The following ATP8A2 variants were observed in gnomAD, a reference collection of about 807,000 sequenced individuals.
ATP8A2 encodes phospholipid-transporting ATPase IB.
In ATP8A2, 100 loss-of-function variants were observed where a neutral mutation model predicts 165.6. That is an observed-to-expected ratio of 0.60 (90% CI 0.51 to 0.71). ATP8A2 has a LOEUF of 0.71. Ranked by LOEUF, ATP8A2 falls within the 30% of genes least tolerant of loss-of-function variation. The pLI is 0.00. For missense variants in ATP8A2, 1,227 were observed against 1,479.5 expected (o/e 0.83, Z 2.80); for synonymous variants, 543 against 548.8 (o/e 0.99, Z 0.15).
intron 25 of ATP8A2, among the ~76,000 whole-genome samples, chr13:25,729,714 A>G (rs2043575064): frequency 6.6e-6 from 1 of 152,104 alleles, no homozygotes. Context: ...TGACTTTGTT[A>G]AACTGAAAAA....
At chr13:25,620,873 T>G (rs899582042) in intron 24 of ATP8A2, among the ~76,000 whole-genome samples, 2 of 152,218 alleles carry the variant, frequency 1.3e-5, no homozygotes, top group Non-Finnish European at 2.9e-5. Context: ...GACATTTCAC[T>G]GCTTTTTAGT....
chr13:25,550,641 G>A (rs796285868), intron 10 of ATP8A2, among the ~76,000 whole-genome samples: 9 of 152,212 alleles, frequency 5.9e-5, no homozygotes, highest in African/African-American at 2.2e-4. Context: ...CTGTGATAAG[G>A]TTGCCATTCT....
chr13:25,529,499 G>C lies in ATP8A2; in HGVS notation c.222-500G>C, dbSNP rs145174772. ...TGAAAGATGTAAGATTGGGTGGAAG[G>C]AAGGATACTTTGGTCATGGAGAGAC... On this transcript the variant is annotated intron_variant, in intron 2 of 36. Transcript: ENST00000381655. Among the ~76,000 whole-genome samples, 13 of 152,244 alleles carry C rather than the reference G, an allele frequency of 8.5e-5. No individual in the cohort carries two copies. The East Asian group carries it at 2.5e-3, about 29-fold the overall frequency.
intron 1 of ATP8A2, among the ~76,000 whole-genome samples, chr13:25,398,357 C>A (rs1422245012): frequency 6.6e-6 from 1 of 152,148 alleles, no homozygotes; most frequent in Non-Finnish European, 1.5e-5. Flanking sequence ...GCCTAAACAT[C>A]AAAAGAGAGA....
At chr13:25,971,752 A>C (rs924195139) in intron 35 of ATP8A2, among the ~76,000 whole-genome samples, 2 of 152,058 alleles carry the variant, frequency 1.3e-5, no homozygotes, top group South Asian at 4.2e-4. Context: ...GGGGCAGTTT[A>C]TCTCATTGCT....
chr13:25,849,517 T>A (rs1033936499), intron 30 of ATP8A2, among the ~76,000 whole-genome samples: 1 of 152,258 alleles, frequency 6.6e-6, no homozygotes, highest in Non-Finnish European at 1.5e-5. Context: ...GATCATTTTG[T>A]CTCTTTAGAA....
chr13:25,390,873 C>G (rs577754046), intron 1 of ATP8A2, among the ~76,000 whole-genome samples: 29 of 150,756 alleles, frequency 1.9e-4, no homozygotes, highest in African/African-American at 7.1e-4. Flanking sequence ...TGCAGTGAGC[C>G]GAGATCATGC....
At chr13:25,425,486 G>A (rs1246589969) in intron 1 of ATP8A2, among the ~76,000 whole-genome samples, 2 of 79,300 alleles carry the variant, frequency 2.5e-5, no homozygotes, top group African/African-American at 4.0e-5. Flanking sequence ...TTTTTGAGAT[G>A]GAGTCTCGCT....
intron 27 of ATP8A2, among the ~76,000 whole-genome samples, chr13:25,776,609 T>C (rs148499590): frequency 7.9e-5 from 12 of 152,310 alleles, no homozygotes; most frequent in East Asian, 1.9e-4. Context: ...CTTTTGGCAC[T>C]TAAAGGTGTT....
Position 25,376,716 on chromosome 13 carries a change from A to T in ATP8A2, c.76+4428A>T, listed in dbSNP as rs1274711814. ...TCATCTAAGGCAAAGTCCTCCAGCT[A>T]GGTATTTATCCTATGTAATAGAAGA... On this transcript the variant is annotated intron_variant, in intron 1 of 36. Coordinates refer to ENST00000381655, the MANE Select transcript of ATP8A2 (RefSeq NM_016529.6). 3.9e-5 allele frequency among the ~76,000 whole-genome samples: 6 copies of T among 152,212 alleles called. No homozygotes were observed. In the South Asian group the frequency reaches 6.2e-4, roughly 16 times the overall value.
At position 25,576,234 on chromosome 13, in the gene ATP8A2, G is replaced by C. The variant is rs115886324; in HGVS notation, c.1713-835G>C. 7.2e-3 allele frequency among the ~76,000 whole-genome samples: 1,095 copies of C among 152,220 alleles called. 17 individuals are homozygous for C. Among genetic ancestry groups the C allele is most frequent in the African/African-American group, 0.026 (1,060 of 41,516 alleles). ...CCAGAGCTGAAGAGAGACTCTCCCC[G>C]ACTCTTAGAGACTTATAGTCCATTG... On this transcript the variant is annotated intron_variant, in intron 19 of 36. Coordinates refer to ENST00000381655, the MANE Select transcript of ATP8A2 (RefSeq NM_016529.6).
chr13:25,627,163 A>T (rs1294804994), intron 24 of ATP8A2, among the ~76,000 whole-genome samples: 1 of 152,102 alleles, frequency 6.6e-6, no homozygotes, highest in South Asian at 2.1e-4. Flanking sequence ...CCAGGGGTGG[A>T]TATGCCAGAC....
chr13:25,479,487 CTTTTAT>C (rs1057344903), intron 2 of ATP8A2, among the ~76,000 whole-genome samples: 60 of 152,026 alleles, frequency 3.9e-4, no homozygotes, highest in African/African-American at 8.7e-4. Flanking sequence ...TTGTATGATT[CTTTTAT>C]TTTTATTTTT....
chr13:25,903,762 C>T (rs2138962104), intron 33 of ATP8A2, among the ~76,000 whole-genome samples: 1 of 152,278 alleles, frequency 6.6e-6, no homozygotes, highest in African/African-American at 2.4e-5. Flanking sequence ...GACATCGACA[C>T]CTTACCCTGT....
intron 14 of ATP8A2, 85 bp downstream of exon 14, chr13:25,559,146 T>A: frequency 1.1e-6 from 1 of 912,716 alleles, no homozygotes; most frequent in Non-Finnish European, 1.7e-6. Context: ...TCAAATATCT[T>A]GACTTTCTGA....
chr13:25,669,106 C>T (rs1473655401), intron 24 of ATP8A2, among the ~76,000 whole-genome samples: 1 of 150,676 alleles, frequency 6.6e-6, no homozygotes, highest in Non-Finnish European at 1.5e-5. Context: ...TTTTGGTATG[C>T]CTTGTAATTT....
chr13:25,472,928 A>G (rs994429267), intron 2 of ATP8A2, among the ~76,000 whole-genome samples: 1 of 152,178 alleles, frequency 6.6e-6, no homozygotes, highest in African/African-American at 2.4e-5. Context: ...GCATTTGACT[A>G]GGAATGGGAG....
intron 1 of ATP8A2, among the ~76,000 whole-genome samples, chr13:25,378,687 G>A (rs555525608): frequency 1.1e-4 from 16 of 152,112 alleles, no homozygotes; most frequent in Non-Finnish European, 1.5e-4. Flanking sequence ...CCAAAACTGC[G>A]AGTGAAGCAC....
At chr13:25,807,170 CA>C (rs1950759425) in intron 27 of ATP8A2, among the ~76,000 whole-genome samples, 1 of 148,320 alleles carries the variant, frequency 6.7e-6, no homozygotes, top group South Asian at 2.1e-4. Flanking sequence ...TTTTTTTTAG[CA>C]CAAATGTTTG....
Sources: allele counts gnomAD v4.1 joint callset (sites outside exome capture counted in the v4.1 genomes callset), GRCh38; gene constraint gnomAD v4.1.1; transcripts MANE v1.5; gene names NCBI Gene and HGNC (gene_info 2026-07-23, HGNC 2026-07-21).